C1orf87: variants seen among roughly 807,000 people sequenced by gnomAD.
The protein encoded by C1orf87 is uncharacterized protein C1orf87.
In C1orf87, 58 loss-of-function variants were observed where a neutral mutation model predicts 60.5. The observed-to-expected ratio is 0.96, with a 90% CI of 0.78 to 1.19. The LOEUF (loss-of-function observed/expected upper bound fraction) is 1.19. C1orf87 is among the 50% of genes most tolerant of loss of function. The pLI, the probability that C1orf87 is intolerant of heterozygous loss-of-function variation, is 0.00. For missense variants in C1orf87, 673 were observed against 638.6 expected (o/e 1.05, Z -0.58); for synonymous variants, 236 against 227.4 (o/e 1.04, Z -0.34).
chr1:60,063,634 C>T (rs561916459), intron 2 of C1orf87, among the ~76,000 whole-genome samples: 34 of 152,232 alleles, frequency 2.2e-4, no homozygotes, highest in African/African-American at 6.0e-4. Context: ...TACCAAGAGG[C>T]TTTGTTCTGA....
At chr1:60,033,324 C>T (rs1645252222) in intron 7 of C1orf87, 152 bp downstream of exon 7, 1 of 669,346 alleles carries the variant, frequency 1.5e-6, no homozygotes, top group Non-Finnish European at 2.3e-6. Flanking sequence ...CCTTTTCTGC[C>T]TTGTTTTTCA....
intron 2 of C1orf87, among the ~76,000 whole-genome samples, chr1:60,066,263 T>A (rs1004257955): frequency 6.6e-6 from 1 of 152,186 alleles, no homozygotes; most frequent in African/African-American, 2.4e-5. Context: ...ATGATGCTGT[T>A]TGATAGTATT....
chr1:60,025,347 T>C (rs1171019218), intron 8 of C1orf87, 54 bp downstream of exon 8: 2 of 1,351,382 alleles, frequency 1.5e-6, no homozygotes, highest in East Asian at 2.3e-5. Flanking sequence ...ACCATATCAT[T>C]TGGGGAAGGG....
intron 3 of C1orf87, among the ~76,000 whole-genome samples, chr1:60,051,557 A>G (rs1216807993): frequency 6.6e-6 from 1 of 152,188 alleles, no homozygotes; most frequent in East Asian, 1.9e-4. Flanking sequence ...GCCCAACCCA[A>G]TTGAGATAAA....
At chr1:60,024,176 T>A (rs546862764) in intron 8 of C1orf87, among the ~76,000 whole-genome samples, 1 of 152,350 alleles carries the variant, frequency 6.6e-6, no homozygotes, top group Non-Finnish European at 1.5e-5. Flanking sequence ...GCAATTTTTG[T>A]ATACATTTTA....
Position 60,034,555 on chromosome 1 carries a change from C to T in C1orf87, c.864-914G>A, listed in dbSNP as rs1645261901. Among the ~76,000 whole-genome samples the T allele has an allele frequency of 1.3e-5, 2 of 152,284 alleles. 1 individual carries two copies. The highest frequency in any genetic ancestry group is 4.1e-4 in the South Asian group (2 of 4,822). On this transcript the variant is annotated intron_variant, in intron 6 of 11. Transcript: ENST00000371201. ...TAACAATCAGCTTTGCAAGATAAAG[C>T]CCTAATTTGCTGCATTACTGATTTC... is the stretch of plus-strand genomic sequence containing the variant.
intron 7 of C1orf87, among the ~76,000 whole-genome samples, chr1:60,033,100 A>C (rs1316315425): frequency 6.6e-6 from 1 of 152,338 alleles, no homozygotes; most frequent in East Asian, 1.9e-4. Context: ...ATCGGTCCCT[A>C]AAATTTGGTT....
intron 11 of C1orf87, among the ~76,000 whole-genome samples, chr1:59,991,371 G>T (rs1175028824): frequency 6.6e-6 from 1 of 152,160 alleles, no homozygotes; most frequent in African/African-American, 2.4e-5. Context: ...CTCAAGCCCC[G>T]ATATAAAATG....
At chr1:60,068,312 T>TTA (rs1645562551) in intron 2 of C1orf87, among the ~76,000 whole-genome samples, 1 of 152,212 alleles carries the variant, frequency 6.6e-6, no homozygotes, top group South Asian at 2.1e-4. Flanking sequence ...TTGCATATAT[T>TTA]TCTGTTTATT....
chr1:60,031,939 A>G (rs1044763502), intron 7 of C1orf87, among the ~76,000 whole-genome samples: 2 of 151,852 alleles, frequency 1.3e-5, no homozygotes, highest in Middle Eastern at 3.4e-3. Context: ...GCAATGCTCT[A>G]TTTCTCTTTC....
At chr1:60,011,374 C>A (rs1453828622) in intron 8 of C1orf87, among the ~76,000 whole-genome samples, 4 of 151,942 alleles carry the variant, frequency 2.6e-5, no homozygotes, top group African/African-American at 9.7e-5. Context: ...ATACCTTGCC[C>A]TAGCCAACGT....
chr1:59,998,399 G>A (rs1307991402), intron 10 of C1orf87, among the ~76,000 whole-genome samples: 22 of 152,088 alleles, frequency 1.4e-4, no homozygotes, highest in Admixed American at 1.3e-3. Context: ...CTAGAAGCAG[G>A]GCATAAAGGC....
intron 3 of C1orf87, among the ~76,000 whole-genome samples, chr1:60,053,416 G>A (rs981484979): frequency 1.1e-4 from 16 of 152,094 alleles, no homozygotes; most frequent in African/African-American, 3.1e-4. Context: ...CTACCTCGCC[G>A]GGTGCTTGGG....
intron 3 of C1orf87, among the ~76,000 whole-genome samples, chr1:60,044,917 G>T (rs1314790733): frequency 1.3e-5 from 2 of 152,144 alleles, no homozygotes; most frequent in East Asian, 1.9e-4. Flanking sequence ...TTGCCTAAAA[G>T]AACTGGTACA....
At chr1:60,000,253 G>A (rs1386504524) in intron 10 of C1orf87, among the ~76,000 whole-genome samples, 1 of 152,124 alleles carries the variant, frequency 6.6e-6, no homozygotes, top group East Asian at 1.9e-4. Flanking sequence ...CGTTTGTACA[G>A]GAATGTGAGA....
intron 8 of C1orf87, among the ~76,000 whole-genome samples, chr1:60,012,316 GATA>G (rs1247143323): frequency 6.6e-6 from 1 of 152,080 alleles, no homozygotes; most frequent in Non-Finnish European, 1.5e-5. Context: ...TATGATATGA[GATA>G]ACGCCTCTGG....
intron 9 of C1orf87, among the ~76,000 whole-genome samples, chr1:60,004,530 G>A (rs544792122): frequency 2.6e-5 from 4 of 152,060 alleles, no homozygotes; most frequent in African/African-American, 4.8e-5. Flanking sequence ...TCTACCGTCT[G>A]CACTTCTAAA....
chr1:60,016,982 G>A (rs564632552), intron 8 of C1orf87, among the ~76,000 whole-genome samples: 1 of 152,332 alleles, frequency 6.6e-6, no homozygotes, highest in Non-Finnish European at 1.5e-5. Context: ...AGGAGAATCA[G>A]TGTAGTGTAG....
At chr1:60,050,556 G>A (rs997678747) in intron 3 of C1orf87, among the ~76,000 whole-genome samples, 1 of 150,606 alleles carries the variant, frequency 6.6e-6, no homozygotes, top group African/African-American at 2.4e-5. Flanking sequence ...TAACTGTCTT[G>A]AGATTTTAGA....
Sources: allele counts gnomAD v4.1 joint callset (sites outside exome capture counted in the v4.1 genomes callset), GRCh38; gene constraint gnomAD v4.1.1; transcripts MANE v1.5; gene names NCBI Gene and HGNC (gene_info 2026-07-23, HGNC 2026-07-21).